CNTFR: variants seen among roughly 807,000 people sequenced by gnomAD.
The protein encoded by CNTFR is ciliary neurotrophic factor receptor.
Under a neutral mutation model 40.4 loss-of-function variants are expected in CNTFR, and 12 were observed. That is an observed-to-expected ratio of 0.30 (90% CI 0.19 to 0.48). The LOEUF (loss-of-function observed/expected upper bound fraction) is 0.48. CNTFR is among the 20% of genes least tolerant of loss of function. The pLI is 0.99. For synonymous variants in CNTFR, 202 were observed against 209.6 expected (o/e 0.96, Z 0.31); for missense variants, 414 against 506.8 (o/e 0.82, Z 1.76).
intron 4 of CNTFR, among the ~76,000 whole-genome samples, chr9:34,558,539 T>A (rs1302890650): frequency 2.0e-5 from 3 of 152,202 alleles, no homozygotes; most frequent in Non-Finnish European, 1.5e-5. Context: ...TGTAGATGTC[T>A]GCATGCAGGG....
intron 7 of CNTFR, 98 bp downstream of exon 7, chr9:34,556,157 T>C: frequency 7.6e-7 from 1 of 1,321,872 alleles, no homozygotes; most frequent in Non-Finnish European, 1.1e-6. Context: ...ATGCATCAGG[T>C]CTCACACTGG....
chr9:34,564,038 C>G (rs1035865491), intron 4 of CNTFR, among the ~76,000 whole-genome samples: 1 of 152,196 alleles, frequency 6.6e-6, no homozygotes, highest in African/African-American at 2.4e-5. Context: ...CTGAGGCCTA[C>G]GGTCACACCC....
intron 2 of CNTFR, among the ~76,000 whole-genome samples, chr9:34,578,959 T>A (rs1041154059): frequency 8.5e-5 from 13 of 152,198 alleles, no homozygotes; most frequent in Non-Finnish European, 8.8e-5. Flanking sequence ...GCCAGACTCC[T>A]AGGGTCTCCA....
chr9:34,582,289 A>AAAAAAAAC (rs1183183211), intron 1 of CNTFR: 3 of 151,912 alleles, frequency 2.0e-5, no homozygotes, highest in African/African-American at 7.3e-5. Flanking sequence ...AAAAAAAAAA[A>AAAAAAAAC]AAAAAAAACA....
chr9:34,558,133 C>G, intron 4 of CNTFR, 149 bp from the exon 5 acceptor site: 2 of 532,904 alleles, frequency 3.8e-6, no homozygotes, highest in Non-Finnish European at 6.4e-6. Flanking sequence ...CAGCGAGGGT[C>G]TGAGGCTTCC....
intron 1 of CNTFR, among the ~76,000 whole-genome samples, chr9:34,583,600 C>T (rs747443463): frequency 3.3e-5 from 5 of 152,172 alleles, no homozygotes; most frequent in Non-Finnish European, 7.3e-5. Flanking sequence ...ACCCCACCCC[C>T]ACAAGTCCAC....
Position 34,552,348 on chromosome 9 carries a change from A to C in CNTFR, c.950-19T>G, listed in dbSNP as rs753120607. On this transcript the variant is annotated intron_variant, in intron 8 of 9. Transcript: ENST00000378980. This position sits in a 1 kb window ranked among gnomAD's most constrained non-coding sequence, Gnocchi z 5.1. ...GTGGTCTCTGGGGAACATGGGGGAA[A>C]CTCAGGGCAAGGCCAGGGCTGGGTC... 29 of 1,530,584 alleles carry C rather than the reference A, an allele frequency of 1.9e-5. No homozygotes were observed. The highest frequency in any genetic ancestry group is 2.4e-5 in the Non-Finnish European group (28 of 1,143,474). 94.8% of individuals were successfully genotyped at this position (1,530,584 alleles called of 1,614,324 possible).
intron 2 of CNTFR, among the ~76,000 whole-genome samples, chr9:34,573,017 C>CT (rs1240771821): frequency 3.9e-5 from 6 of 152,242 alleles, no homozygotes; most frequent in Non-Finnish European, 7.3e-5. Flanking sequence ...GCCCTGAAGT[C>CT]TGACAGCCGC....
At chr9:34,571,640 C>T (rs1283468376) in intron 2 of CNTFR, among the ~76,000 whole-genome samples, 1 of 152,112 alleles carries the variant, frequency 6.6e-6, no homozygotes, top group Non-Finnish European at 1.5e-5. Context: ...TCGCCTCCAT[C>T]AGCCTGATGA....
chr9:34,559,412 G>A (rs937316667), intron 4 of CNTFR, among the ~76,000 whole-genome samples: 3 of 152,198 alleles, frequency 2.0e-5, no homozygotes, highest in African/African-American at 7.2e-5. Context: ...AATGCTGTGG[G>A]CGGAGGCAGC....
At chr9:34,559,131 G>A (rs1825966561) in intron 4 of CNTFR, among the ~76,000 whole-genome samples, 1 of 152,322 alleles carries the variant, frequency 6.6e-6, no homozygotes, top group African/African-American at 2.4e-5. Flanking sequence ...CAGGAAATGG[G>A]AGGGGGGCAG....
At chr9:34,555,918 T>TCTCCCTCCCTC (rs1825815032) in intron 7 of CNTFR, among the ~76,000 whole-genome samples, 1 of 30,778 alleles carries the variant, frequency 3.2e-5, no homozygotes, top group Admixed American at 3.2e-4. Flanking sequence ...CTCCCTCCCC[T>TCTCCCTCCCTC]GCCATCTCCC....
At chr9:34,566,703 A>C (rs1322124717) in intron 3 of CNTFR, among the ~76,000 whole-genome samples, 2 of 152,174 alleles carry the variant, frequency 1.3e-5, no homozygotes, top group East Asian at 3.9e-4. Flanking sequence ...CAGCAGCAAC[A>C]CATCAACACT....
chr9:34,552,947 G>A lies in CNTFR; in HGVS notation c.769-93C>T, dbSNP rs1047418286. 1.6e-6 allele frequency: 2 copies of A among 1,226,878 alleles called. No individual in the cohort carries two copies. The highest frequency in any genetic ancestry group is 3.0e-5 in the African/African-American group (2 of 65,714). 76.0% of individuals were successfully genotyped at this position (1,226,878 alleles called of 1,614,324 possible). ...GGAAGTGAGCATGCCTCTGAGGAGA[G>A]GAGAGTAAAGGGCTCTGGGGGCAGT... On this transcript the variant is annotated intron_variant, in intron 7 of 9. Coordinates refer to ENST00000378980, the MANE Select transcript of CNTFR (RefSeq NM_147164.3). This position sits in a 1 kb window ranked among gnomAD's most constrained non-coding sequence, Gnocchi z 5.1.
At chr9:34,583,948 G>C (rs1172993836) in intron 1 of CNTFR, among the ~76,000 whole-genome samples, 3 of 152,192 alleles carry the variant, frequency 2.0e-5, no homozygotes, top group African/African-American at 7.2e-5. Flanking sequence ...CTTCTGGAGA[G>C]AGGGGCTACG....
Position 34,564,770 on chromosome 9 carries a change from T to C in CNTFR, c.148A>G (p.Asn50Asp), listed in dbSNP as rs1396999162. The change falls in exon 4 of 10, where the codon AAC (asparagine) becomes GAC (aspartate). Residue 50 changes from asparagine to aspartate, a missense_variant. Physicochemically the swap from Asn to Asp is conservative, Grantham distance 23 (BLOSUM62 1). Transcript: ENST00000378980. ...CGCCACGTCACCGCAGCATCCCAGT[T>C]TGCTGTCCCACATGGCAGTGTCACG... ...SDVTLPCGTA[N>D]WDAAVTWRVN... The C allele has an allele frequency of 1.2e-6, 2 of 1,613,916 alleles. No homozygotes were observed. The highest frequency in any genetic ancestry group is 2.2e-5 in the South Asian group (2 of 91,062).
intron 4 of CNTFR, among the ~76,000 whole-genome samples, chr9:34,561,179 G>A (rs1377734204): frequency 2.6e-5 from 4 of 152,192 alleles, no homozygotes; most frequent in South Asian, 2.1e-4. Flanking sequence ...CAAATGCCCC[G>A]GCGACCTCCC....
At chr9:34,562,642 A>G (rs1826118339) in intron 4 of CNTFR, among the ~76,000 whole-genome samples, 1 of 152,206 alleles carries the variant, frequency 6.6e-6, no homozygotes, top group African/African-American at 2.4e-5. Context: ...GCTTCTACGG[A>G]ATAAGGAGAC....
chr9:34,574,836 T>C (rs1319703771), intron 2 of CNTFR, among the ~76,000 whole-genome samples: 2 of 152,218 alleles, frequency 1.3e-5, no homozygotes, highest in Non-Finnish European at 2.9e-5. Context: ...CGTGCCCTGC[T>C]GCACGTGTGT....
Sources: gnomAD v4.1 joint callset for allele counts (sites outside exome capture counted in the v4.1 genomes callset) on GRCh38, gnomAD v4.1.1 for gene constraint, Gnocchi (gnomAD v3.1) non-coding constraint, MANE v1.5 for transcripts, NCBI Gene and HGNC (gene_info 2026-07-23, HGNC 2026-07-21) for gene names.